Variants in CAST observed in about 807,000 individuals in gnomAD.
CAST encodes MIR583 host.
Under a neutral mutation model 119.6 loss-of-function variants are expected in CAST, and 76 were observed. That is an observed-to-expected ratio of 0.64 (90% CI 0.53 to 0.77). The LOEUF (loss-of-function observed/expected upper bound fraction) is 0.77. Ranked by LOEUF, CAST falls within the 30% of genes least tolerant of loss-of-function variation. The pLI is 0.00. For missense variants in CAST, 953 were observed against 946.5 expected (o/e 1.01, Z -0.09); for synonymous variants, 319 against 331.6 (o/e 0.96, Z 0.41).
chr5:96,547,891 A>G (rs1455639004), intron 1 of CAST, among the ~76,000 whole-genome samples: 1 of 152,238 alleles, frequency 6.6e-6, no homozygotes, highest in African/African-American at 2.4e-5. Flanking sequence ...GAAGTGGAAG[A>G]AAGTTCCAAG....
the CAST span, among the ~76,000 whole-genome samples, chr5:95,994,200 T>C: frequency 2.6e-5 from 4 of 152,194 alleles, no homozygotes; most frequent in Non-Finnish European, 5.9e-5. Flanking sequence ...TATGTGTCCA[T>C]ACAAAGAGTT....
chr5:96,529,072 C>G (rs959815420), upstream of CAST, among the ~76,000 whole-genome samples: 1 of 152,192 alleles, frequency 6.6e-6, no homozygotes. Flanking sequence ...GAGTGAAATA[C>G]AGAGAGCTGT....
At chr5:96,380,483 T>A in the CAST span, among the ~76,000 whole-genome samples, 8 of 152,182 alleles carry the variant, frequency 5.3e-5, no homozygotes, top group Admixed American at 5.2e-4. Flanking sequence ...GGTTGCTTTT[T>A]CATCGAACAT....
At chr5:96,552,372 A>G (rs754234481) in intron 1 of CAST, among the ~76,000 whole-genome samples, 4 of 152,262 alleles carry the variant, frequency 2.6e-5, no homozygotes, top group Non-Finnish European at 5.9e-5. Flanking sequence ...GAAGCCAATG[A>G]GAACAAAGAT....
At chr5:96,047,092 T>C in the CAST span, among the ~76,000 whole-genome samples, 1 of 152,188 alleles carries the variant, frequency 6.6e-6, no homozygotes, top group Admixed American at 6.5e-5. Context: ...AAAAAATATA[T>C]AGCCTAATAG....
chr5:95,968,707 C>G, the CAST span, among the ~76,000 whole-genome samples: 16 of 152,184 alleles, frequency 1.1e-4, no homozygotes, highest in African/African-American at 3.9e-4. Flanking sequence ...ATTGTATTCT[C>G]ATTCAGCTGT....
the CAST span, among the ~76,000 whole-genome samples, chr5:96,515,104 G>A: frequency 7.2e-5 from 11 of 152,088 alleles, no homozygotes; most frequent in Admixed American, 5.2e-4. Context: ...GAGATTGTCC[G>A]TGGTTTGCCC....
At chr5:95,975,187 AG>A in the CAST span, among the ~76,000 whole-genome samples, 3 of 152,250 alleles carry the variant, frequency 2.0e-5, no homozygotes, top group Admixed American at 2.0e-4. Context: ...TCTAATGCTA[AG>A]AAGTGCTGGT....
the CAST span, among the ~76,000 whole-genome samples, chr5:96,179,253 A>G: frequency 1.3e-5 from 2 of 152,122 alleles, no homozygotes; most frequent in African/African-American, 4.8e-5. Flanking sequence ...AATAAAATCA[A>G]AACTCCCTTA....
At chr5:96,557,387 A>G (rs1286120160) in intron 1 of CAST, among the ~76,000 whole-genome samples, 2 of 152,104 alleles carry the variant, frequency 1.3e-5, no homozygotes, top group African/African-American at 4.8e-5. Context: ...AATGGGCTAA[A>G]TGCTCCAATT....
the CAST span, among the ~76,000 whole-genome samples, chr5:96,262,017 T>C: frequency 6.6e-6 from 1 of 152,234 alleles, no homozygotes; most frequent in African/African-American, 2.4e-5. Context: ...TTACCCAAGG[T>C]CTTATAGCTA....
At chr5:96,261,588 C>G in the CAST span, among the ~76,000 whole-genome samples, 1 of 152,152 alleles carries the variant, frequency 6.6e-6, no homozygotes, top group Non-Finnish European at 1.5e-5. Flanking sequence ...CTCTTAGAGG[C>G]CTTCCTGGAA....
the CAST span, among the ~76,000 whole-genome samples, chr5:96,191,201 A>G: frequency 6.6e-6 from 1 of 152,200 alleles, no homozygotes; most frequent in Non-Finnish European, 1.5e-5. Flanking sequence ...TATTCTTGGA[A>G]AAGAGGAATG....
chr5:96,411,356 G>C, the CAST span, among the ~76,000 whole-genome samples: 1 of 152,102 alleles, frequency 6.6e-6, no homozygotes, highest in Non-Finnish European at 1.5e-5. Flanking sequence ...CAATCTTCTG[G>C]CTGACTGATA....
At chr5:96,301,638 G>A in the CAST span, among the ~76,000 whole-genome samples, 11 of 152,276 alleles carry the variant, frequency 7.2e-5, 1 homozygote, top group African/African-American at 2.6e-4. Flanking sequence ...AAACAAAGGG[G>A]CTACAGGCCC....
At chr5:96,273,962 G>A in the CAST span, among the ~76,000 whole-genome samples, 1 of 152,196 alleles carries the variant, frequency 6.6e-6, no homozygotes, top group African/African-American at 2.4e-5. Context: ...TTTTAAAAAT[G>A]CATATTCACC....
the CAST span, among the ~76,000 whole-genome samples, chr5:96,056,410 G>A: frequency 6.6e-6 from 1 of 152,120 alleles, no homozygotes; most frequent in Non-Finnish European, 1.5e-5. Flanking sequence ...GGAACTGAAG[G>A]GCTATTTAGC....
At chr5:96,458,843 A>T in the CAST span, among the ~76,000 whole-genome samples, 1 of 152,124 alleles carries the variant, frequency 6.6e-6, no homozygotes, top group Non-Finnish European at 1.5e-5. Context: ...CATCATCTTT[A>T]TCCAGCTCAC....
At chr5:96,764,535 C>CT (rs1769136782) in intron 25 of CAST, among the ~76,000 whole-genome samples, 1 of 152,196 alleles carries the variant, frequency 6.6e-6, no homozygotes, top group Non-Finnish European at 1.5e-5. Context: ...TCTCTGAAGT[C>CT]TTTCAGGGCA....
Sources: allele counts gnomAD v4.1 joint callset (sites outside exome capture counted in the v4.1 genomes callset), GRCh38; gene constraint gnomAD v4.1.1; transcripts MANE v1.5; gene names NCBI Gene and HGNC (gene_info 2026-07-23, HGNC 2026-07-21).